Variants in EVI5 observed in about 807,000 individuals in gnomAD.
The protein encoded by EVI5 is ecotropic viral integration site 5.
In EVI5, 73 loss-of-function variants were observed where a neutral mutation model predicts 112.0. The ratio of observed to expected loss-of-function variants is 0.65; its 90% CI spans 0.54 to 0.79. The LOEUF (loss-of-function observed/expected upper bound fraction) is 0.79, where lower values mean the gene tolerates loss of function less well. Ranked by LOEUF, EVI5 falls within the 30% of genes least tolerant of loss-of-function variation. EVI5 has a pLI of 0.00. For missense variants in EVI5, 900 were observed against 968.8 expected, an observed-to-expected ratio of 0.93 and a Z score of 0.94; for synonymous variants, 305 against 319.9, an observed-to-expected ratio of 0.95 and a Z score of 0.50.
intron 1 of EVI5, among the ~76,000 whole-genome samples, chr1:92,779,042 A>C (rs1684529135): frequency 6.6e-6 from 1 of 152,012 alleles, no homozygotes; most frequent in Non-Finnish European, 1.5e-5. Flanking sequence ...TTTAGACTCT[A>C]GAATATAGGG....
intron 18 of EVI5, among the ~76,000 whole-genome samples, chr1:92,582,376 A>G (rs1672077247): frequency 6.6e-6 from 1 of 152,240 alleles, no homozygotes; most frequent in South Asian, 2.1e-4. Flanking sequence ...ATAAGACATG[A>G]TAATGAGACA....
chr1:92,521,025 G>A (rs923761793), intron 19 of EVI5, among the ~76,000 whole-genome samples: 20 of 149,750 alleles, frequency 1.3e-4, no homozygotes, highest in Non-Finnish European at 1.9e-4. Flanking sequence ...ACAGTGGCAC[G>A]ATCTCAGCTC....
chr1:92,697,362 T>C (rs1670481918), intron 6 of EVI5, among the ~76,000 whole-genome samples: 1 of 152,132 alleles, frequency 6.6e-6, no homozygotes, highest in African/African-American at 2.4e-5. Flanking sequence ...TCTCTCCACC[T>C]TCATACAGTC....
At chr1:92,536,107 A>C (rs1663844701) in intron 19 of EVI5, among the ~76,000 whole-genome samples, 2 of 152,328 alleles carry the variant, frequency 1.3e-5, no homozygotes, top group East Asian at 1.9e-4. Flanking sequence ...TGTAGAATTT[A>C]TTTAAATAAT....
intron 2 of EVI5, among the ~76,000 whole-genome samples, chr1:92,706,714 C>T (rs905548141): frequency 1.3e-5 from 2 of 151,944 alleles, no homozygotes; most frequent in Non-Finnish European, 2.9e-5. Context: ...GTTAACCTTC[C>T]GAGAACATTG....
intron 13 of EVI5, among the ~76,000 whole-genome samples, chr1:92,636,811 T>G (rs759906205): frequency 1.2e-4 from 19 of 152,326 alleles, no homozygotes; most frequent in South Asian, 1.2e-3. Context: ...ATCTCAATGA[T>G]TTTTATATTG....
chr1:92,673,087 C>G (rs983925907), intron 10 of EVI5, among the ~76,000 whole-genome samples: 14 of 151,866 alleles, frequency 9.2e-5, no homozygotes, highest in Non-Finnish European at 1.9e-4. Context: ...TGTAAGTGAC[C>G]CATCATATAT....
intron 18 of EVI5, among the ~76,000 whole-genome samples, chr1:92,569,239 T>C (rs937122128): frequency 3.3e-5 from 5 of 152,172 alleles, no homozygotes; most frequent in African/African-American, 4.8e-5. Flanking sequence ...CTAAGAGTCA[T>C]ACAGATGGTC....
chr1:92,664,802 T>C (rs1160698961), intron 11 of EVI5, among the ~76,000 whole-genome samples: 2 of 152,234 alleles, frequency 1.3e-5, no homozygotes, highest in Non-Finnish European at 2.9e-5. Flanking sequence ...AAAATATCCA[T>C]ATTTCCATTT....
intron 9 of EVI5, among the ~76,000 whole-genome samples, chr1:92,684,721 T>C (rs1403919056): frequency 5.3e-5 from 8 of 150,966 alleles, no homozygotes; most frequent in African/African-American, 9.7e-5. Context: ...TACCAAGCAA[T>C]TGGAAAGCAA....
At chr1:92,651,712 G>A (rs888692125) in intron 13 of EVI5, among the ~76,000 whole-genome samples, 4 of 129,644 alleles carry the variant, frequency 3.1e-5, no homozygotes, top group African/African-American at 5.9e-5. Context: ...TTAGCCAGGC[G>A]TAGTGGCGGG....
At chr1:92,747,827 T>A (rs568125074) in intron 1 of EVI5, among the ~76,000 whole-genome samples, 61 of 152,022 alleles carry the variant, frequency 4.0e-4, no homozygotes, top group African/African-American at 1.4e-3. Context: ...CTAAAACTTG[T>A]AGGGAGAATC....
intron 19 of EVI5, among the ~76,000 whole-genome samples, chr1:92,520,167 A>T (rs1052338810): frequency 6.6e-5 from 10 of 152,324 alleles, no homozygotes; most frequent in African/African-American, 2.4e-4. Flanking sequence ...TTAAAATATT[A>T]TAATATGTAA....
At chr1:92,609,077 C>T (rs944491711) in intron 16 of EVI5, among the ~76,000 whole-genome samples, 5 of 152,202 alleles carry the variant, frequency 3.3e-5, no homozygotes, top group Non-Finnish European at 1.5e-5. Context: ...CTTGAACTAA[C>T]ATGAGGTAGT....
intron 19 of EVI5, among the ~76,000 whole-genome samples, chr1:92,548,150 T>C (rs188417957): frequency 9.8e-5 from 15 of 152,290 alleles, no homozygotes; most frequent in East Asian, 5.8e-4. Context: ...TTATCCACCA[T>C]GATCAAGTGG....
chr1:92,785,443 G>A (rs1187655990), upstream of EVI5, among the ~76,000 whole-genome samples: 2 of 152,228 alleles, frequency 1.3e-5, no homozygotes, highest in Admixed American at 1.3e-4. Flanking sequence ...GACTTTCAGG[G>A]CCCTGGCACG....
intron 13 of EVI5, among the ~76,000 whole-genome samples, chr1:92,641,926 T>A (rs1015585449): frequency 7.9e-5 from 12 of 152,074 alleles, no homozygotes; most frequent in African/African-American, 2.9e-4. Context: ...GATCACGACG[T>A]CAGGAGATCA....
In EVI5 at chr1:92,713,292, T is replaced by C. The variant is rs1467916630; in HGVS notation, c.150-8548A>G. Among the ~76,000 whole-genome samples, 3 of 151,898 alleles carry C rather than the reference T, an allele frequency of 2.0e-5. No individual in the cohort carries two copies. In the East Asian group the frequency reaches 5.8e-4, roughly 29 times the overall value. ...TGCTACATATGGTTACTGGCTACCA[T>C]ACTACACAATACTAGTATTGTCTAG... On this transcript the variant is annotated intron_variant, in intron 2 of 19. Coordinates refer to ENST00000684568, the MANE Select transcript of EVI5 (RefSeq NM_001350197.2).
Position 92,547,560 on chromosome 1 carries a change from G to A in EVI5, c.2166+16082C>T, listed in dbSNP as rs886380913. 3.3e-5 allele frequency among the ~76,000 whole-genome samples: 5 copies of A among 152,120 alleles called. No homozygotes were observed. The East Asian group carries it at 7.7e-4, about 23-fold the overall frequency. On this transcript the variant is annotated intron_variant, in intron 19 of 19. Transcript: ENST00000684568. ...CTTCAAAAAATCAATGAATCCAGGA[G>A]CTGTTTTTGAAAGGATCAACAAAAT...
Sources: allele counts gnomAD v4.1 joint callset (sites outside exome capture counted in the v4.1 genomes callset), GRCh38; gene constraint gnomAD v4.1.1; transcripts MANE v1.5; gene names NCBI Gene and HGNC (gene_info 2026-07-23, HGNC 2026-07-21).